The following STIM1 variants were observed in gnomAD, a reference collection of about 807,000 sequenced individuals.
STIM1 encodes stromal interaction molecule 1.
A neutral mutation model predicts 74.7 loss-of-function variants in STIM1; 25 were observed. The observed-to-expected ratio is 0.33, with a 90% CI of 0.24 to 0.47. The LOEUF (loss-of-function observed/expected upper bound fraction) is 0.47. STIM1 is among the 20% of genes least tolerant of loss of function. The pLI, the probability that STIM1 is intolerant of heterozygous loss-of-function variation, is 1.00. For missense variants in STIM1, 728 were observed against 920.8 expected (o/e 0.79, Z 2.71); for synonymous variants, 328 against 348.8 (o/e 0.94, Z 0.66).
intron 1 of STIM1, among the ~76,000 whole-genome samples, chr11:3,919,831 T>C (rs2092695505): frequency 6.6e-6 from 1 of 152,126 alleles, no homozygotes; most frequent in Non-Finnish European, 1.5e-5. Context: ...TAATCCCTGC[T>C]ACTTGGGATG....
intron 3 of STIM1, among the ~76,000 whole-genome samples, chr11:4,043,447 G>A (rs1377398587): frequency 1.3e-5 from 2 of 152,028 alleles, no homozygotes; most frequent in Non-Finnish European, 2.9e-5. Context: ...AGTCTGTGGG[G>A]GTAAGTGATA....
At chr11:3,876,930 G>A (rs2091323369) in intron 1 of STIM1, among the ~76,000 whole-genome samples, 1 of 152,136 alleles carries the variant, frequency 6.6e-6, no homozygotes, top group Non-Finnish European at 1.5e-5. Flanking sequence ...TTTACGATTT[G>A]GAATCAGACA....
chr11:3,900,441 C>G (rs2092318915), intron 1 of STIM1, among the ~76,000 whole-genome samples: 4 of 152,218 alleles, frequency 2.6e-5, no homozygotes, highest in African/African-American at 7.2e-5. Context: ...GCCGCACCCA[C>G]TGTCCTGCAC....
chr11:4,087,328 T>C (rs552178854), intron 12 of STIM1, among the ~76,000 whole-genome samples: 3 of 152,180 alleles, frequency 2.0e-5, no homozygotes, highest in South Asian at 4.1e-4. Flanking sequence ...TATGGGGGTG[T>C]TGAGGAAGGA....
chr11:4,021,993 C>T (rs2923952), intron 2 of STIM1, among the ~76,000 whole-genome samples: 141,834 of 152,094 alleles, frequency 0.93, 66,158 homozygotes, highest in African/African-American at 0.97. Flanking sequence ...TGTTTACTAG[C>T]TCTAACAGTT....
At chr11:4,007,902 A>G (rs2093798780) in intron 2 of STIM1, among the ~76,000 whole-genome samples, 1 of 152,156 alleles carries the variant, frequency 6.6e-6, no homozygotes, top group South Asian at 2.1e-4. Flanking sequence ...GTTGCCATGT[A>G]GTCATGTACT....
chr11:4,055,015 C>T (rs1270365424), intron 3 of STIM1, among the ~76,000 whole-genome samples: 2 of 152,216 alleles, frequency 1.3e-5, no homozygotes, highest in East Asian at 1.9e-4. Context: ...CCAGGCTTGG[C>T]ACTAAGTAGT....
At chr11:3,935,050 C>A (rs762133887) in intron 1 of STIM1, among the ~76,000 whole-genome samples, 2 of 152,244 alleles carry the variant, frequency 1.3e-5, no homozygotes, top group Non-Finnish European at 1.5e-5. Context: ...GTCATCTTTT[C>A]GCAGCTGCAG....
At chr11:3,927,374 T>A (rs989661425) in intron 1 of STIM1, among the ~76,000 whole-genome samples, 4 of 152,182 alleles carry the variant, frequency 2.6e-5, no homozygotes, top group African/African-American at 9.6e-5. Context: ...ATCACGAAGG[T>A]TATATTGAAC....
intron 3 of STIM1, among the ~76,000 whole-genome samples, chr11:4,051,411 C>T (rs373591322): frequency 6.1e-5 from 9 of 148,320 alleles, no homozygotes; most frequent in African/African-American, 2.2e-4. Context: ...GACGCAATCT[C>T]GGCTCACTGC....
At chr11:3,931,957 G>C (rs1404733213) in intron 1 of STIM1, among the ~76,000 whole-genome samples, 1 of 152,186 alleles carries the variant, frequency 6.6e-6, no homozygotes, top group African/African-American at 2.4e-5. Flanking sequence ...AGGCCATTAA[G>C]AGGAGGGTGT....
At chr11:3,978,466 G>T (rs2093471111) in intron 2 of STIM1, among the ~76,000 whole-genome samples, 1 of 149,970 alleles carries the variant, frequency 6.7e-6, no homozygotes, top group Non-Finnish European at 1.5e-5. Context: ...CTTTTAAAAA[G>T]GTCTGGCTTT....
chr11:4,079,888 C>T (rs530721549), intron 7 of STIM1, among the ~76,000 whole-genome samples: 4 of 152,216 alleles, frequency 2.6e-5, no homozygotes, highest in African/African-American at 9.6e-5. Context: ...TAAATGAAAT[C>T]ACTGTCTCTA....
intron 1 of STIM1, among the ~76,000 whole-genome samples, chr11:3,941,653 C>CATATATAT (rs56890594): frequency 1.1e-3 from 133 of 122,744 alleles, no homozygotes; most frequent in East Asian, 6.7e-3. Context: ...TGTGTGTATA[C>CATATATAT]ATATATATAT....
chr11:4,036,558 T>G (rs545544146), intron 3 of STIM1, among the ~76,000 whole-genome samples: 3 of 152,244 alleles, frequency 2.0e-5, no homozygotes, highest in Non-Finnish European at 4.4e-5. Flanking sequence ...CTGACTGGTA[T>G]GAGATGGTAT....
At chr11:4,038,639 G>A (rs2094123234) in intron 3 of STIM1, among the ~76,000 whole-genome samples, 1 of 152,052 alleles carries the variant, frequency 6.6e-6, no homozygotes. Context: ...TTTTTGGGAG[G>A]GGTAATTTTA....
intron 1 of STIM1, among the ~76,000 whole-genome samples, chr11:3,873,445 C>CTT (rs796543610): frequency 4.2e-5 from 6 of 142,290 alleles, no homozygotes; most frequent in Admixed American, 1.4e-4. Flanking sequence ...AAATTAAAAA[C>CTT]TTTTTTTTTT....
intron 3 of STIM1, among the ~76,000 whole-genome samples, chr11:4,027,468 C>T (rs373956711): frequency 9.9e-5 from 15 of 152,100 alleles, no homozygotes; most frequent in African/African-American, 2.7e-4. Context: ...TGTGCCAGTG[C>T]GCCCAGCTAA....
intron 2 of STIM1, among the ~76,000 whole-genome samples, chr11:3,998,642 G>C (rs569068297): frequency 3.2e-4 from 48 of 152,226 alleles, no homozygotes; most frequent in African/African-American, 1.2e-3. Flanking sequence ...ATAAAATATA[G>C]TCTCTATTTT....
Sources: allele counts gnomAD v4.1 joint callset (sites outside exome capture counted in the v4.1 genomes callset), GRCh38; gene constraint gnomAD v4.1.1; transcripts MANE v1.5; gene names NCBI Gene and HGNC (gene_info 2026-07-23, HGNC 2026-07-21).